PLCG2: variants seen among roughly 807,000 people sequenced by gnomAD.
PLCG2 encodes the protein phospholipase C gamma 2.
A neutral mutation model predicts 175.6 loss-of-function variants in PLCG2; 69 were observed. That is an observed-to-expected ratio of 0.39 (90% confidence interval 0.32 to 0.48). PLCG2 has a LOEUF of 0.48. PLCG2 is among the 20% of genes least tolerant of loss of function. The pLI, the probability that PLCG2 is intolerant of heterozygous loss-of-function variation, is 0.91. For synonymous variants in PLCG2, 827 were observed against 624.0 expected (o/e 1.33, Z -4.85); for missense variants, 1,798 against 1,650.9 (o/e 1.09, Z -1.54).
chr16:81,800,725 C>T (rs149318836), intron 2 of PLCG2, among the ~76,000 whole-genome samples: 1,603 of 152,080 alleles, frequency 0.011, 18 homozygotes, highest in Middle Eastern at 0.027. Context: ...GCAGAATAAA[C>T]GCTCTCTGCT....
chr16:81,869,350 C>G (rs777145741), intron 6 of PLCG2, 52 bp downstream of exon 6: 8 of 1,305,098 alleles, frequency 6.1e-6, no homozygotes, highest in Admixed American at 5.1e-5. Flanking sequence ...GTGACTTAGC[C>G]TCTCTCATGA....
At chr16:81,808,607 T>C (rs4888176) in intron 2 of PLCG2, among the ~76,000 whole-genome samples, 133,299 of 152,134 alleles carry the variant, frequency 0.88, 61,071 homozygotes, top group East Asian at 1. Flanking sequence ...CATTCTCCTG[T>C]CTCAGCCTCC....
At chr16:81,770,272 G>A (rs1910248624) in intron 2 of PLCG2, among the ~76,000 whole-genome samples, 1 of 151,870 alleles carries the variant, frequency 6.6e-6, no homozygotes, top group Non-Finnish European at 1.5e-5. Flanking sequence ...CTTCCCAAGG[G>A]CAACCGTTCT....
intron 1 of PLCG2, among the ~76,000 whole-genome samples, chr16:81,746,356 A>G (rs1251655099): frequency 1.3e-5 from 2 of 152,206 alleles, no homozygotes; most frequent in African/African-American, 4.8e-5. Context: ...CCCAGAAAAC[A>G]TCTGGGGCGG....
At chr16:81,871,577 A>C (rs953896074) in intron 7 of PLCG2, among the ~76,000 whole-genome samples, 17 of 152,112 alleles carry the variant, frequency 1.1e-4, no homozygotes, top group South Asian at 8.3e-4. Flanking sequence ...ACCTCAACTG[A>C]TCGGCCCGCC....
chr16:81,854,968 G>T (rs1288240931), intron 3 of PLCG2, among the ~76,000 whole-genome samples: 1 of 152,092 alleles, frequency 6.6e-6, no homozygotes, highest in Non-Finnish European at 1.5e-5. Flanking sequence ...CCAGCACTTT[G>T]GGAGCCTGAG....
chr16:81,787,181 T>A (rs1232767527), intron 2 of PLCG2, among the ~76,000 whole-genome samples: 3 of 152,138 alleles, frequency 2.0e-5, no homozygotes, highest in Non-Finnish European at 4.4e-5. Flanking sequence ...AGGCTTTTGT[T>A]ATTATTCGAA....
intron 31 of PLCG2, among the ~76,000 whole-genome samples, 192 bp downstream of exon 31, chr16:81,946,455 C>T (rs926896563): frequency 6.6e-5 from 10 of 152,156 alleles, no homozygotes; most frequent in Admixed American, 5.9e-4. Flanking sequence ...CCAGCATCCT[C>T]CTTTCCTGGA....
At chr16:81,826,735 T>C (rs1905063787) in intron 2 of PLCG2, among the ~76,000 whole-genome samples, 1 of 152,164 alleles carries the variant, frequency 6.6e-6, no homozygotes, top group South Asian at 2.1e-4. Context: ...ACCCATTTTA[T>C]AGATGGGGAA....
chr16:81,774,820 C>G (rs926985737), upstream of PLCG2, among the ~76,000 whole-genome samples: 5 of 151,916 alleles, frequency 3.3e-5, no homozygotes. Context: ...GGCTCACTGC[C>G]TGCAACCTCT....
At chr16:81,781,028 G>A (rs199531484) in intron 1 of PLCG2, among the ~76,000 whole-genome samples, 2 of 150,736 alleles carry the variant, frequency 1.3e-5, no homozygotes, top group East Asian at 3.9e-4. Flanking sequence ...TCCATCTCAA[G>A]ACAAACAAAC....
At chr16:81,880,704 T>C (rs1908035709) in intron 7 of PLCG2, among the ~76,000 whole-genome samples, 1 of 152,214 alleles carries the variant, frequency 6.6e-6, no homozygotes, top group Admixed American at 6.5e-5. Context: ...AATACGACTG[T>C]GGAGGGAATG....
chr16:81,895,108 T>G (rs796428779), intron 12 of PLCG2, among the ~76,000 whole-genome samples: 23 of 152,344 alleles, frequency 1.5e-4, no homozygotes, highest in African/African-American at 5.5e-4. Flanking sequence ...TTGGGGATGT[T>G]CATCTTCCAC....
At chr16:81,803,729 C>T (rs527550695) in intron 2 of PLCG2, among the ~76,000 whole-genome samples, 11 of 144,004 alleles carry the variant, frequency 7.6e-5, no homozygotes, top group African/African-American at 1.5e-4. Context: ...TCGGTCAGGC[C>T]GGAGGGCAGT....
At chr16:81,755,348 C>T (rs1909899744) in intron 1 of PLCG2, among the ~76,000 whole-genome samples, 1 of 150,414 alleles carries the variant, frequency 6.6e-6, no homozygotes, top group South Asian at 2.1e-4. Flanking sequence ...AGGCATGCAC[C>T]ACCATGCCTG....
rs778366240 is a variant in PLCG2, at chr16:81,919,471, C to T, written c.2055-13C>T. The T allele has an allele frequency of 1.9e-6, 3 of 1,608,916 alleles. No homozygotes were observed. The South Asian group carries it at 3.3e-5, about 18-fold the overall frequency. On this transcript the variant is annotated splice_polypyrimidine_tract_variant and intron_variant, in intron 19 of 32. Transcript: ENST00000564138. ...GATCTTGGCATGTCAACCCTGTGTT[C>T]TTCCTGCTCCAGGGCTAGGGGCAAG...
rs1908816472 is a variant in PLCG2, at chr16:81,895,042, G to A, written c.1073-765G>A. On this transcript the variant is annotated intron_variant, in intron 12 of 32. Transcript: ENST00000564138. ...TCTCCTCCCTCAGGAAAAAACAAAT[G>A]TTTAAAAGTAAAGCTTGAAGCAGTC... Among the ~76,000 whole-genome samples, 3 of 152,170 alleles carry A rather than the reference G, an allele frequency of 2.0e-5. No individual in the cohort carries two copies. In the South Asian group the frequency reaches 6.2e-4, roughly 31 times the overall value.
intron 2 of PLCG2, among the ~76,000 whole-genome samples, chr16:81,819,470 G>T (rs1184163148): frequency 1.3e-5 from 2 of 152,180 alleles, no homozygotes; most frequent in Non-Finnish European, 2.9e-5. Flanking sequence ...AGGCTTAGCT[G>T]GGTGGACCTC....
At chr16:81,824,749 T>G (rs188874845) in intron 2 of PLCG2, among the ~76,000 whole-genome samples, 1 of 152,266 alleles carries the variant, frequency 6.6e-6, no homozygotes, top group Admixed American at 6.5e-5. Flanking sequence ...CACCTTTCAT[T>G]GGATGGTGAC....
Sources: gnomAD v4.1 joint callset for allele counts (sites outside exome capture counted in the v4.1 genomes callset) on GRCh38, gnomAD v4.1.1 for gene constraint, MANE v1.5 for transcripts, NCBI Gene and HGNC (gene_info 2026-07-23, HGNC 2026-07-21) for gene names.